The following CLEC12A variants were observed in gnomAD, a reference collection of about 807,000 sequenced individuals.
CLEC12A encodes the protein C-type lectin protein CLL-1.
A neutral mutation model predicts 26.5 loss-of-function variants in CLEC12A; 22 were observed. The ratio of observed to expected loss-of-function variants is 0.83; its 90% confidence interval spans 0.59 to 1.19. The LOEUF (loss-of-function observed/expected upper bound fraction) is 1.19. CLEC12A is among the 50% of genes most tolerant of loss of function. The pLI, the probability that CLEC12A is intolerant of heterozygous loss-of-function variation, is 0.00. For missense variants in CLEC12A, 353 were observed against 315.6 expected (o/e 1.12, Z -0.90); for synonymous variants, 119 against 101.9 (o/e 1.17, Z -1.01).
downstream of CLEC12A, chr12:9,998,243 C>A (rs1865098659): frequency 6.6e-7 from 1 of 1,514,928 alleles, no homozygotes; most frequent in Non-Finnish European, 9.2e-7. Context: ...TTCAGTATTA[C>A]CTTCCTCCAG....
At chr12:10,002,820 A>G in the CLEC12A span, among the ~76,000 whole-genome samples, 1 of 152,208 alleles carries the variant, frequency 6.6e-6, no homozygotes, top group Non-Finnish European at 1.5e-5. Flanking sequence ...TTTCGACTAC[A>G]TTATGAAGTC....
downstream of CLEC12A, among the ~76,000 whole-genome samples, chr12:9,988,996 A>C (rs1006041285): frequency 6.6e-6 from 1 of 152,218 alleles, no homozygotes; most frequent in African/African-American, 2.4e-5. Context: ...GGATTAAGAA[A>C]ATGTGGCACA....
At chr12:9,993,165 G>C in intron 4 of CLEC12A, 1 of 1,611,420 alleles carries the variant, frequency 6.2e-7, no homozygotes, top group East Asian at 2.2e-5. Context: ...GTCCACCTTG[G>C]TCATGCCAGC....
At chr12:9,989,930 C>T (rs1221640886), downstream of CLEC12A, among the ~76,000 whole-genome samples, 1 of 152,056 alleles carries the variant, frequency 6.6e-6, no homozygotes, top group Non-Finnish European at 1.5e-5. Flanking sequence ...GCTAAATGTA[C>T]CTGCCAATGC....
At chr12:10,002,664 G>A in the CLEC12A span, among the ~76,000 whole-genome samples, 1 of 151,876 alleles carries the variant, frequency 6.6e-6, no homozygotes, top group Non-Finnish European at 1.5e-5. Context: ...GGATGATCTC[G>A]ATCTCCTGAC....
intron 1 of CLEC12A, among the ~76,000 whole-genome samples, chr12:9,952,271 A>G (rs1451226117): frequency 6.7e-6 from 1 of 148,580 alleles, no homozygotes; most frequent in Non-Finnish European, 1.5e-5. Flanking sequence ...ATCTCGGCTC[A>G]CTGCAACCTC....
intron 4 of CLEC12A, among the ~76,000 whole-genome samples, chr12:9,994,351 GC>G (rs1864976894): frequency 2.0e-5 from 3 of 152,234 alleles, no homozygotes; most frequent in Middle Eastern, 6.8e-3. Context: ...GAAGAGGCTT[GC>G]TTGTAGTTGT....
At chr12:9,999,935 A>G (rs1403583023), downstream of CLEC12A, among the ~76,000 whole-genome samples, 1 of 152,238 alleles carries the variant, frequency 6.6e-6, no homozygotes, top group African/African-American at 2.4e-5. Context: ...ACAATATAAT[A>G]TGTATTGCAC....
chr12:9,967,547 G>A (rs530966711), upstream of CLEC12A, among the ~76,000 whole-genome samples: 11 of 151,986 alleles, frequency 7.2e-5, no homozygotes, highest in East Asian at 1.9e-4. Flanking sequence ...AATGGAGGGC[G>A]GAAGCTTGCC....
At chr12:9,953,634 G>A (rs1863686529) in intron 1 of CLEC12A, among the ~76,000 whole-genome samples, 1 of 151,602 alleles carries the variant, frequency 6.6e-6, no homozygotes, top group Non-Finnish European at 1.5e-5. Context: ...GGGAGGTGAG[G>A]GGCGCCTCTG....
chr12:10,004,956 A>T, the CLEC12A span, among the ~76,000 whole-genome samples: 1 of 148,734 alleles, frequency 6.7e-6, no homozygotes, highest in African/African-American at 2.5e-5. Context: ...TGGTAGGAAC[A>T]ACCCTCTTCT....
At chr12:9,971,756 A>G (rs756506623) in intron 1 of CLEC12A, 69 bp downstream of exon 1, 914 of 1,301,174 alleles carry the variant, frequency 7.0e-4, no homozygotes, top group Non-Finnish European at 9.4e-4. Context: ...TGCATCTTCA[A>G]TATTAGTGAT....
chr12:9,983,445 C>CTTA, intron 5 of CLEC12A: 2 of 680,712 alleles, frequency 2.9e-6, no homozygotes, highest in Non-Finnish European at 5.3e-6. Context: ...ATTTGTTCTG[C>CTTA]TTATAATGGG....
exon 5 of CLEC12A, chr12:9,995,095 A>G (rs1379040861): frequency 3.1e-6 from 5 of 1,603,944 alleles, no homozygotes; most frequent in Non-Finnish European, 4.3e-6. Context: ...CTCAAGAATA[A>G]GAGTTTCCAG....
At chr12:9,986,239 G>A, downstream of CLEC12A, 1 of 382,536 alleles carries the variant, frequency 2.6e-6, no homozygotes, top group Non-Finnish European at 5.4e-6. Flanking sequence ...AACAGAAAAA[G>A]GAACCTATTC....
Position 9,980,732 on chromosome 12 carries a change from T to C in CLEC12A, c.530T>C (p.Leu177Ser). ...SLLKINNKNA[L>S]EFIKSQSRSY... The stretch of plus-strand genomic sequence containing the variant: ...TTGAAGATAAACAACAAAAATGCAT[T>C]GGTAAAGCCCAGGTGTTTCTACCAT... The change falls in exon 4 of 6, where the codon TTG (leucine) becomes TCG (serine). Residue 177 changes from leucine (L) to serine (S), a missense_variant and splice_region_variant. By Grantham distance (145) the Leu-to-Ser change is moderately radical. Coordinates refer to ENST00000304361, the MANE Select transcript of CLEC12A (RefSeq NM_138337.6). 6.2e-7 allele frequency: 1 copy of C among 1,613,196 alleles called. No homozygotes were observed. The highest frequency in any genetic ancestry group is 8.5e-7 in the Non-Finnish European group (1 of 1,179,538).
At chr12:9,996,397 A>C (rs2137240075), downstream of CLEC12A, among the ~76,000 whole-genome samples, 1 of 152,320 alleles carries the variant, frequency 6.6e-6, no homozygotes, top group Non-Finnish European at 1.5e-5. Context: ...ATATGTCTCG[A>C]ATTAATCTCT....
At chr12:9,960,340 T>C (rs1863809096) in intron 1 of CLEC12A, among the ~76,000 whole-genome samples, 1 of 152,192 alleles carries the variant, frequency 6.6e-6, no homozygotes, top group South Asian at 2.1e-4. Context: ...ATATAATGAA[T>C]CAGGAATACT....
chr12:9,968,820 G>A (rs750626833), upstream of CLEC12A, among the ~76,000 whole-genome samples: 2 of 152,154 alleles, frequency 1.3e-5, no homozygotes, highest in African/African-American at 4.8e-5. Flanking sequence ...AATTGATATA[G>A]GTTGATTTCA....
Sources: allele counts gnomAD v4.1 joint callset (sites outside exome capture counted in the v4.1 genomes callset), GRCh38; gene constraint gnomAD v4.1.1; transcripts MANE v1.5; gene names NCBI Gene and HGNC (gene_info 2026-07-23, HGNC 2026-07-21).